The following FCN2 variants were observed in gnomAD, a reference collection of about 807,000 sequenced individuals.
FCN2 encodes ficolin-2.
Under a neutral mutation model 32.5 loss-of-function variants are expected in FCN2, and 31 were observed. The ratio of observed to expected loss-of-function variants is 0.96; its 90% CI spans 0.72 to 1.29. The LOEUF (loss-of-function observed/expected upper bound fraction) is 1.29. Ranked by LOEUF, FCN2 falls within the 50% of genes most tolerant of loss-of-function variation. The probability of loss-of-function intolerance (pLI) is 0.00; values close to 1 mark genes in which losing one functional copy is unlikely to be tolerated. For missense variants in FCN2, 412 were observed against 406.5 expected, an observed-to-expected ratio of 1.01 and a Z score of -0.12; for synonymous variants, 181 against 164.5, an observed-to-expected ratio of 1.10 and a Z score of -0.77.
intron 3 of FCN2, among the ~76,000 whole-genome samples, chr9:134,883,853 G>GT (rs1830703863): frequency 1.5e-5 from 2 of 134,374 alleles, no homozygotes; most frequent in South Asian, 5.8e-4. Context: ...GGGGTTCTTA[G>GT]TGGGGGGGCT....
the FCN2 span, among the ~76,000 whole-genome samples, chr9:134,867,996 T>C: frequency 6.6e-6 from 1 of 152,162 alleles, no homozygotes; most frequent in African/African-American, 2.4e-5. Context: ...CTATCCCCAC[T>C]TGGCAGCCCA....
chr9:134,887,415 G>A lies in FCN2; in HGVS notation c.942G>A (p.Ter314=), dbSNP rs1319019672. Residue 314 remains the stop codon, a stop_retained_variant, in exon 8 of 8, where the codon TAG becomes TAA. Transcript: ENST00000291744. ...CAGAGATGAAGGTGCGACCTGCCTA[G>A]CCCAGGCCGGCCTCAGGGTCAGGAC... ...KVSEMKVRPA[*] The A allele has an allele frequency of 1.9e-6, 3 of 1,613,856 alleles. No individual in the cohort carries two copies. The highest frequency in any genetic ancestry group is 1.1e-5 in the South Asian group (1 of 91,070).
upstream of FCN2, among the ~76,000 whole-genome samples, chr9:134,877,653 T>C (rs562853309): frequency 2.0e-5 from 3 of 152,282 alleles, no homozygotes; most frequent in African/African-American, 7.2e-5. Context: ...TCTCCATTTC[T>C]CTCCTCCTGG....
chr9:134,878,902 T>C (rs1214977390), upstream of FCN2, among the ~76,000 whole-genome samples: 1 of 152,348 alleles, frequency 6.6e-6, no homozygotes, highest in East Asian at 1.9e-4. Context: ...GTGTGACTTA[T>C]AAACCTTATT....
In FCN2 at chr9:134,887,182, T is replaced by C. The variant is rs1416177351; in HGVS notation, c.709T>C (p.Phe237Leu). ...CTCCTGCACAGGAGATTCCCTGACG[T>C]TCCACAACAACCAGTCCTTCTCCAC... Reference protein sequence around the residue: ...VEGSAGDSLTFHNNQSFSTKD... With the variant: ...VEGSAGDSLTLHNNQSFSTKD... The change falls in exon 8 of 8, where the codon TTC becomes CTC. Residue 237 changes from phenylalanine to leucine, a missense_variant. Transcript: ENST00000291744. 4 of 1,614,150 alleles carry C rather than the reference T, an allele frequency of 2.5e-6. No individual in the cohort carries two copies. Among genetic ancestry groups the C allele is most frequent in the Non-Finnish European group, 3.4e-6 (4 of 1,179,998 alleles).
At position 134,887,415 on chromosome 9, in the gene FCN2, G is replaced by T. The variant is rs1319019672; in HGVS notation, c.942G>T (p.Ter314TyrextTer13). The change falls in exon 8 of 8, where the codon TAG becomes TAT. Residue 314 changes from the stop codon to tyrosine, a stop_lost. Coordinates refer to ENST00000291744, the MANE Select transcript of FCN2 (RefSeq NM_004108.3). ...CAGAGATGAAGGTGCGACCTGCCTA[G>T]CCCAGGCCGGCCTCAGGGTCAGGAC... ...KVSEMKVRPA[*>Y] 1 of 1,613,856 alleles carries T rather than the reference G, an allele frequency of 6.2e-7. No individual in the cohort carries two copies. The highest frequency in any genetic ancestry group is 8.5e-7 in the Non-Finnish European group (1 of 1,179,956).
chr9:134,869,510 C>T, the FCN2 span, among the ~76,000 whole-genome samples: 110 of 152,324 alleles, frequency 7.2e-4, no homozygotes, highest in Non-Finnish European at 1.3e-3. Flanking sequence ...GTCTCTCTCC[C>T]GGAGAGGGCT....
At chr9:134,883,183 C>T (rs982362925) in intron 2 of FCN2, 119 bp from the exon 3 acceptor site, 39 of 904,316 alleles carry the variant, frequency 4.3e-5, no homozygotes, top group African/African-American at 3.4e-4. Context: ...GCCACAGTCA[C>T]GTCGTAGCAC....
upstream of FCN2, among the ~76,000 whole-genome samples, chr9:134,879,296 T>A (rs972972417): frequency 1.3e-5 from 2 of 152,366 alleles, no homozygotes; most frequent in South Asian, 4.1e-4. Flanking sequence ...AATAGCATAT[T>A]TTTTTAGATT....
the FCN2 span, among the ~76,000 whole-genome samples, chr9:134,874,843 A>G: frequency 6.6e-6 from 1 of 152,232 alleles, no homozygotes; most frequent in Non-Finnish European, 1.5e-5. Flanking sequence ...TGAACTAGGT[A>G]TAATCTCTCA....
At chr9:134,872,713 G>A in the FCN2 span, among the ~76,000 whole-genome samples, 2 of 152,110 alleles carry the variant, frequency 1.3e-5, no homozygotes, top group Admixed American at 6.5e-5. Context: ...AGAACAGCAC[G>A]AGAAGACCCG....
chr9:134,873,613 G>A, the FCN2 span, among the ~76,000 whole-genome samples: 1 of 152,238 alleles, frequency 6.6e-6, no homozygotes, highest in African/African-American at 2.4e-5. Flanking sequence ...TGATGGCCTT[G>A]GGGGCCATTC....
chr9:134,872,653 A>G, the FCN2 span, among the ~76,000 whole-genome samples: 4 of 151,220 alleles, frequency 2.6e-5, no homozygotes, highest in Non-Finnish European at 5.9e-5. Context: ...GTGCGGGGGA[A>G]CTCCCCTTTA....
rs1352498889 is a variant in FCN2 at position 134,884,735 on chromosome 9, A to G, written c.269-5A>G. 2 of 1,613,932 alleles carry G rather than the reference A, an allele frequency of 1.2e-6. No homozygotes were observed. Among genetic ancestry groups the G allele is most frequent in the South Asian group, 2.2e-5 (2 of 91,072 alleles). ...ACACGTGTGTCCTCTCTCATCCATG[A>G]ACAGGAGCACCTGGGGAGCCCCAGC... On this transcript the variant is annotated splice_polypyrimidine_tract_variant and splice_region_variant and intron_variant, in intron 3 of 7. Transcript: ENST00000291744.
upstream of FCN2, among the ~76,000 whole-genome samples, chr9:134,878,747 G>A (rs151094989): frequency 1.1e-3 from 168 of 152,232 alleles, no homozygotes; most frequent in Middle Eastern, 3.4e-3. Flanking sequence ...GGAGGCTGAG[G>A]CAGGAGAATC....
the FCN2 span, among the ~76,000 whole-genome samples, chr9:134,869,083 G>A: frequency 1.3e-5 from 2 of 152,230 alleles, no homozygotes; most frequent in Admixed American, 6.5e-5. Context: ...AGTGTTCGCC[G>A]ACCTCTGCAC....
the FCN2 span, among the ~76,000 whole-genome samples, chr9:134,871,170 C>T: frequency 6.6e-6 from 1 of 152,344 alleles, no homozygotes; most frequent in South Asian, 2.1e-4. Context: ...ACAATTTACT[C>T]AACGTGTGAT....
In FCN2 at chr9:134,885,762, C is replaced by T; in HGVS notation, c.430-6C>T. 6.2e-7 allele frequency: 1 copy of T among 1,614,016 alleles called. No homozygotes were observed. Among genetic ancestry groups the T allele is most frequent in the Non-Finnish European group, 8.5e-7 (1 of 1,179,966 alleles). On this transcript the variant is annotated splice_polypyrimidine_tract_variant and splice_region_variant and intron_variant, in intron 5 of 7. Coordinates refer to ENST00000291744, the MANE Select transcript of FCN2 (RefSeq NM_004108.3). ...CCCCGGCTCCTGTCCCCTGGCTTCTCCACAGGTTTTCCAGCGGAGGGTGGA... is the reference window on the plus strand; with the variant it reads ...CCCCGGCTCCTGTCCCCTGGCTTCTTCACAGGTTTTCCAGCGGAGGGTGGA...
chr9:134,869,034 G>A, the FCN2 span, among the ~76,000 whole-genome samples: 3 of 152,158 alleles, frequency 2.0e-5, no homozygotes, highest in Non-Finnish European at 4.4e-5. Context: ...CGTATGACTC[G>A]CAACTCCTAA....
Sources: gnomAD v4.1 joint callset for allele counts (sites outside exome capture counted in the v4.1 genomes callset) on GRCh38, gnomAD v4.1.1 for gene constraint, MANE v1.5 for transcripts, NCBI Gene and HGNC (gene_info 2026-07-23, HGNC 2026-07-21) for gene names.